SLC6A4: variants seen among roughly 807,000 people sequenced by gnomAD.
SLC6A4 encodes solute carrier family 6 member 4, also known as sodium-dependent serotonin transporter.
In SLC6A4, 22 loss-of-function variants were observed where a neutral mutation model predicts 73.4. That is an observed-to-expected ratio of 0.30 (90% CI 0.21 to 0.43). The LOEUF (loss-of-function observed/expected upper bound fraction) is 0.43, where lower values mean the gene tolerates loss of function less well. Ranked by LOEUF, SLC6A4 falls within the 20% of genes least tolerant of loss-of-function variation. The pLI, the probability that SLC6A4 is intolerant of heterozygous loss-of-function variation, is 1.00. For synonymous variants in SLC6A4, 270 were observed against 315.5 expected, an observed-to-expected ratio of 0.86 and a Z score of 1.53; for missense variants, 593 against 808.5, an observed-to-expected ratio of 0.73 and a Z score of 3.23.
chr17:30,201,922 G>A (rs572048665), intron 14 of SLC6A4, among the ~76,000 whole-genome samples: 2 of 152,260 alleles, frequency 1.3e-5, no homozygotes, highest in South Asian at 4.2e-4. Flanking sequence ...GGGCAACATA[G>A]TGAGATCTTG....
In SLC6A4 at chr17:30,214,880, G is replaced by A. The variant is rs949891346; in HGVS notation, c.1076+731C>T. 1.1e-4 allele frequency among the ~76,000 whole-genome samples: 16 copies of A among 151,826 alleles called. No individual in the cohort carries two copies. The East Asian group carries it at 1.7e-3, about 17-fold the overall frequency. On this transcript the variant is annotated intron_variant, in intron 8 of 14. Coordinates refer to ENST00000650711, the MANE Select transcript of SLC6A4 (RefSeq NM_001045.6). ...GATCTCCTGACCTCGTGATCCACCC[G>A]CCTCGGCCTCCCAAAGTGTTGAGAT...
At chr17:30,201,988 A>AG (rs1438671605) in intron 14 of SLC6A4, among the ~76,000 whole-genome samples, 1 of 152,068 alleles carries the variant, frequency 6.6e-6, no homozygotes, top group Non-Finnish European at 1.5e-5. Context: ...GCTAGTCAGG[A>AG]GGCTGAGGTG....
chr17:30,205,189 AAAATATTGTGTGAAAATAAT>A (rs1349214456), intron 13 of SLC6A4, among the ~76,000 whole-genome samples: 6 of 152,190 alleles, frequency 3.9e-5, no homozygotes, highest in Non-Finnish European at 8.8e-5. Flanking sequence ...TTATTTTTAA[AAAATATTGTGTGAAAATAAT>A]ATTTATCCTG....
rs1045100576 is a variant in SLC6A4 at position 30,211,591 on chromosome 17, G to C, written c.1205-167C>G. Among the ~76,000 whole-genome samples the C allele has an allele frequency of 1.3e-5, 2 of 152,232 alleles. No homozygotes were observed. The highest frequency in any genetic ancestry group is 4.8e-5 in the African/African-American group (2 of 41,448). ...TGCGTCCTCACACTCTACTCCGTCT[G>C]ACGTGGCCACCCCAGTTCCTGGGAG... is the stretch of plus-strand genomic sequence containing the variant. On this transcript the variant is annotated intron_variant, in intron 9 of 14. Coordinates refer to ENST00000650711, the MANE Select transcript of SLC6A4 (RefSeq NM_001045.6). This position sits in a 1 kb window ranked among gnomAD's most constrained non-coding sequence, Gnocchi z 4.0.
intron 13 of SLC6A4, among the ~76,000 whole-genome samples, chr17:30,205,309 A>C (rs1158295749): frequency 6.6e-6 from 1 of 152,126 alleles, no homozygotes; most frequent in Non-Finnish European, 1.5e-5. Flanking sequence ...TCATTTCCTC[A>C]CTGCGTGGGG....
chr17:30,215,759 A>C, intron 7 of SLC6A4, 45 bp from the exon 8 acceptor site: 1 of 1,528,232 alleles, frequency 6.5e-7, no homozygotes, highest in Non-Finnish European at 9.1e-7. Context: ...GGGGAGACAC[A>C]GGCTTACCCT....
chr17:30,228,323 T>C (rs1480858702), intron 1 of SLC6A4, among the ~76,000 whole-genome samples: 1 of 152,232 alleles, frequency 6.6e-6, no homozygotes, highest in African/African-American at 2.4e-5. Context: ...TGACACATGC[T>C]TATCTCAGTG....
At chr17:30,207,113 T>C (rs924011599) in intron 13 of SLC6A4, among the ~76,000 whole-genome samples, 3 of 152,208 alleles carry the variant, frequency 2.0e-5, no homozygotes, top group Non-Finnish European at 4.4e-5. Flanking sequence ...AAGTCTGGCC[T>C]GGCATTTAGC....
chr17:30,220,719 G>A (rs1284392423), intron 3 of SLC6A4, among the ~76,000 whole-genome samples: 2 of 152,144 alleles, frequency 1.3e-5, no homozygotes, highest in Non-Finnish European at 2.9e-5. Context: ...GCCTACCCTC[G>A]TGGACTCTTC....
rs1225481031 is a variant in SLC6A4, at chr17:30,196,052, A to C, written c.*2404T>G. On this transcript the variant is annotated 3_prime_UTR_variant, in exon 15 of 15. Transcript: ENST00000650711. Reference sequence around the variant, plus strand: ...AAGCTGGTCTCAAACTCCTGATGTCATGTGATCCTCCCACTGCAGCCTCCC... The same window carrying C: ...AAGCTGGTCTCAAACTCCTGATGTCCTGTGATCCTCCCACTGCAGCCTCCC... The C allele has an allele frequency of 6.6e-6, 1 of 151,960 alleles. No homozygotes were observed. Among genetic ancestry groups the C allele is most frequent in the Non-Finnish European group, 1.5e-5 (1 of 67,978 alleles). 9.4% of individuals were successfully genotyped at this position (151,960 alleles called of 1,614,324 possible).
chr17:30,209,002 G>C lies in SLC6A4; in HGVS notation c.1549+141C>G, dbSNP rs779157633. On this transcript the variant is annotated intron_variant, in intron 12 of 14. Transcript: ENST00000650711. Reference sequence around the variant, plus strand: ...CAGGCGTGAGCCACCGCGCCTGGCCGAGACTCTTTTACAGACCCATCATCG... The same window carrying C: ...CAGGCGTGAGCCACCGCGCCTGGCCCAGACTCTTTTACAGACCCATCATCG... 1.7e-5 allele frequency: 9 copies of C among 535,638 alleles called. No individual in the cohort carries two copies. The South Asian group carries it at 2.4e-4, about 14-fold the overall frequency. The allele number at this position is 535,638 out of a possible 1,614,324, so 33.2% of individuals were successfully genotyped here.
At chr17:30,221,511 C>A (rs1201692182) in intron 3 of SLC6A4, 105 bp downstream of exon 3, 1 of 955,860 alleles carries the variant, frequency 1.0e-6, no homozygotes, top group East Asian at 2.5e-5. Flanking sequence ...ACAGCCCACC[C>A]CAGGTCGCAG....
Position 30,218,386 on chromosome 17 carries a change from C to T in SLC6A4, c.479-49G>A, listed in dbSNP as rs776125962. Reference sequence around the variant, plus strand: ...GACAGAGGCCGAGTTTAAGGGTGGCCCAACGGCAAAAGGCTGAAACGGGGC... The same window carrying T: ...GACAGAGGCCGAGTTTAAGGGTGGCTCAACGGCAAAAGGCTGAAACGGGGC... On this transcript the variant is annotated intron_variant, in intron 4 of 14. Transcript: ENST00000650711. The T allele has an allele frequency of 2.7e-6, 4 of 1,482,406 alleles. No individual in the cohort carries two copies. In the South Asian group the frequency reaches 4.6e-5, roughly 17 times the overall value. 91.8% of individuals were successfully genotyped at this position (1,482,406 alleles called of 1,614,324 possible).
chr17:30,206,722 T>C (rs1012464823), intron 13 of SLC6A4, among the ~76,000 whole-genome samples: 1 of 138,826 alleles, frequency 7.2e-6, no homozygotes, highest in African/African-American at 2.7e-5. Context: ...CTTTTTTTTT[T>C]TTTTTTTTTT....
intron 8 of SLC6A4, 25 bp from the exon 9 acceptor site, chr17:30,212,892 G>T: frequency 6.2e-7 from 1 of 1,612,828 alleles, no homozygotes; most frequent in Non-Finnish European, 8.5e-7. Context: ...CCAAGGGGCC[G>T]CCTGAGACAG....
chr17:30,219,598 C>T (rs1906684310), intron 3 of SLC6A4, among the ~76,000 whole-genome samples: 1 of 152,224 alleles, frequency 6.6e-6, no homozygotes, highest in Non-Finnish European at 1.5e-5. Context: ...AGCCAGAATG[C>T]TCCCTGACAA....
chr17:30,208,852 C>T (rs913457667), intron 12 of SLC6A4, among the ~76,000 whole-genome samples: 2 of 140,148 alleles, frequency 1.4e-5, no homozygotes, highest in African/African-American at 5.1e-5. Flanking sequence ...CCATCATGCC[C>T]GGCTAATTTT....
At chr17:30,232,990 T>C (rs1907159694) in intron 1 of SLC6A4, among the ~76,000 whole-genome samples, 1 of 152,224 alleles carries the variant, frequency 6.6e-6, no homozygotes, top group African/African-American at 2.4e-5. Flanking sequence ...AGATCATTGA[T>C]GCCAGGTTTC....
chr17:30,211,259 C>T lies in SLC6A4; in HGVS notation c.1317+53G>A. 8.2e-7 allele frequency: 1 copy of T among 1,216,820 alleles called. No homozygotes were observed. Among genetic ancestry groups the T allele is most frequent in the Non-Finnish European group, 1.2e-6 (1 of 827,228 alleles). 75.4% of individuals were successfully genotyped at this position (1,216,820 alleles called of 1,614,324 possible). A position where few individuals can be genotyped will look rare whatever the true frequency, so the allele number is the denominator to read the frequency against. On this transcript the variant is annotated intron_variant, in intron 10 of 14. Coordinates refer to ENST00000650711, the MANE Select transcript of SLC6A4 (RefSeq NM_001045.6). This position sits in a 1 kb window ranked among gnomAD's most constrained non-coding sequence, Gnocchi z 4.0. ...AGGGAATTGAGTCCAGCTGAGTCCT[C>T]CTCCTTTCCTCTTCATCCTCCCACA...
Sources: allele counts gnomAD v4.1 joint callset (sites outside exome capture counted in the v4.1 genomes callset), GRCh38; gene constraint gnomAD v4.1.1; non-coding constraint Gnocchi (gnomAD v3.1); transcripts MANE v1.5; gene names NCBI Gene and HGNC (gene_info 2026-07-23, HGNC 2026-07-21).